Variants in SIMC1 observed in about 807,000 individuals in gnomAD.
SIMC1 encodes the protein SUMO-interacting motif-containing protein 1.
In SIMC1, 55 loss-of-function variants were observed where a neutral mutation model predicts 82.3. The ratio of observed to expected loss-of-function variants is 0.67; its 90% CI spans 0.54 to 0.84. The LOEUF is 0.84. Ranked by LOEUF, SIMC1 falls within the 40% of genes least tolerant of loss-of-function variation. The pLI, the probability that SIMC1 is intolerant of heterozygous loss-of-function variation, is 0.00. For synonymous variants in SIMC1, 353 were observed against 426.3 expected (o/e 0.83, Z 2.12); for missense variants, 915 against 1,107.2 (o/e 0.83, Z 2.46).
intron 4 of SIMC1, 132 bp from the exon 5 acceptor site, chr5:176,313,558 GC>G (rs1764764422): frequency 1.3e-6 from 2 of 1,552,168 alleles, no homozygotes; most frequent in Admixed American, 1.8e-5. Context: ...TCTCCTAGGA[GC>G]CTCTCTTTTA....
chr5:176,334,995 G>C (rs1000162924), intron 7 of SIMC1, among the ~76,000 whole-genome samples: 1 of 151,752 alleles, frequency 6.6e-6, no homozygotes, highest in African/African-American at 2.4e-5. Flanking sequence ...GGAGGCTGAG[G>C]TAGGAGAATT....
intron 1 of SIMC1, among the ~76,000 whole-genome samples, chr5:176,272,184 AAAAAAAAAAAAAAAG>A (rs985984165): frequency 7.1e-6 from 1 of 141,554 alleles, no homozygotes; most frequent in Non-Finnish European, 1.5e-5. Context: ...AAAAAAAAAA[AAAAAAAAAAAAAAAG>A]GTGGGCATGG....
chr5:176,291,568 C>G (rs1259445169), intron 2 of SIMC1, among the ~76,000 whole-genome samples: 1 of 151,902 alleles, frequency 6.6e-6, no homozygotes, highest in Non-Finnish European at 1.5e-5. Context: ...GATCTCCTGA[C>G]CTCGTGATCC....
chr5:176,262,849 G>A (rs1246776092), intron 1 of SIMC1, among the ~76,000 whole-genome samples: 1 of 151,676 alleles, frequency 6.6e-6, no homozygotes, highest in African/African-American at 2.4e-5. Context: ...AAATAAAATT[G>A]TCTTTGTTCA....
At chr5:176,285,208 C>A (rs1473632883) in intron 1 of SIMC1, among the ~76,000 whole-genome samples, 1 of 152,160 alleles carries the variant, frequency 6.6e-6, no homozygotes, top group Non-Finnish European at 1.5e-5. Context: ...AGACCAATAT[C>A]CCTGATGAAC....
intron 7 of SIMC1, among the ~76,000 whole-genome samples, chr5:176,325,335 G>A (rs1381295583): frequency 6.6e-6 from 1 of 152,028 alleles, no homozygotes. Context: ...GCAGTGAGCT[G>A]AGATTGCTCC....
intron 1 of SIMC1, among the ~76,000 whole-genome samples, chr5:176,255,766 C>T (rs1761835015): frequency 6.8e-6 from 1 of 146,098 alleles, no homozygotes; most frequent in African/African-American, 2.5e-5. Context: ...AGTAAGAAAG[C>T]CAAGAGCACA....
intron 4 of SIMC1, among the ~76,000 whole-genome samples, chr5:176,304,662 G>C (rs1303960959): frequency 8.8e-5 from 13 of 147,250 alleles, no homozygotes; most frequent in Non-Finnish European, 1.5e-5. Context: ...TCTGGGATGT[G>C]AGGAGCCCCT....
At chr5:176,264,846 T>C (rs1374220781) in intron 1 of SIMC1, among the ~76,000 whole-genome samples, 1 of 152,184 alleles carries the variant, frequency 6.6e-6, no homozygotes, top group East Asian at 1.9e-4. Context: ...CAGATGTTGC[T>C]GGAAGCCTCA....
chr5:176,277,416 G>C (rs1218414742), intron 1 of SIMC1, among the ~76,000 whole-genome samples: 1 of 151,818 alleles, frequency 6.6e-6, no homozygotes, highest in Non-Finnish European at 1.5e-5. Flanking sequence ...CACTCTGATG[G>C]TAGTTTCTTT....
chr5:176,275,278 G>A (rs2113197662), intron 1 of SIMC1, among the ~76,000 whole-genome samples: 1 of 151,954 alleles, frequency 6.6e-6, no homozygotes, highest in South Asian at 2.1e-4. Context: ...CTCTCTGTCT[G>A]TTATTGGTGT....
In SIMC1 at chr5:176,281,294, G is replaced by A. The variant is rs551765793; in HGVS notation, c.130-8360G>A. On this transcript the variant is annotated intron_variant, in intron 1 of 9. Transcript: ENST00000429602. ...CTTTCAGCTCCATCAGCTCCTTTAA[G>A]CACTTCTCTGTATTGGTTATTCTAG... Among the ~76,000 whole-genome samples the A allele has an allele frequency of 5.0e-3, 763 of 152,206 alleles. 11 individuals are homozygous for A. Among genetic ancestry groups the A allele is most frequent in the African/African-American group, 0.017 (703 of 41,534 alleles).
intron 1 of SIMC1, among the ~76,000 whole-genome samples, chr5:176,283,501 C>T (rs1309312574): frequency 6.6e-6 from 1 of 152,176 alleles, no homozygotes; most frequent in East Asian, 1.9e-4. Flanking sequence ...ACCAGGCCTG[C>T]CCTACAAGAG....
chr5:176,262,633 C>T (rs1476047954), intron 1 of SIMC1, among the ~76,000 whole-genome samples: 1 of 152,094 alleles, frequency 6.6e-6, no homozygotes, highest in Non-Finnish European at 1.5e-5. Context: ...GGTGAAATCT[C>T]GTCGCTACTA....
At chr5:176,270,906 G>A (rs1305555035) in intron 1 of SIMC1, among the ~76,000 whole-genome samples, 1 of 152,200 alleles carries the variant, frequency 6.6e-6, no homozygotes, top group African/African-American at 2.4e-5. Flanking sequence ...TAGGCCACAA[G>A]GACTGCAATT....
intron 4 of SIMC1, among the ~76,000 whole-genome samples, chr5:176,306,453 G>A (rs1349741841): frequency 2.2e-5 from 3 of 136,288 alleles, no homozygotes; most frequent in South Asian, 2.5e-4. Flanking sequence ...TGACAATGGC[G>A]GCTTTGTGGA....
At chr5:176,253,268 TA>T (rs1207859712) in intron 1 of SIMC1, among the ~76,000 whole-genome samples, 1 of 152,210 alleles carries the variant, frequency 6.6e-6, no homozygotes, top group Non-Finnish European at 1.5e-5. Flanking sequence ...CCTTTGTGGG[TA>T]ACCCGACCTT....
chr5:176,253,029 C>G (rs1207380852), intron 1 of SIMC1, among the ~76,000 whole-genome samples: 3 of 152,178 alleles, frequency 2.0e-5, no homozygotes, highest in Non-Finnish European at 4.4e-5. Context: ...ATCGCAGGCA[C>G]TCAGCAGGCT....
intron 1 of SIMC1, among the ~76,000 whole-genome samples, chr5:176,272,192 AAAAAAAG>A (rs1378411867): frequency 2.1e-5 from 3 of 143,828 alleles, no homozygotes; most frequent in Admixed American, 7.2e-5. Context: ...AAAAAAAAAA[AAAAAAAG>A]GTGGGCATGG....
Sources: gnomAD v4.1 joint callset for allele counts (sites outside exome capture counted in the v4.1 genomes callset) on GRCh38, gnomAD v4.1.1 for gene constraint, MANE v1.5 for transcripts, NCBI Gene and HGNC (gene_info 2026-07-23, HGNC 2026-07-21) for gene names.